The following SPIDR variants were observed in gnomAD, a reference collection of about 807,000 sequenced individuals.
SPIDR encodes DNA repair-scaffolding protein.
In SPIDR, 93 loss-of-function variants were observed where a neutral mutation model predicts 104.6. The observed-to-expected ratio is 0.89, with a 90% CI of 0.75 to 1.06. The LOEUF is 1.06. SPIDR is among the 50% of genes least tolerant of loss of function. The probability of loss-of-function intolerance (pLI) is 0.00; values close to 1 mark genes in which losing one functional copy is unlikely to be tolerated. For synonymous variants in SPIDR, 431 were observed against 416.9 expected (o/e 1.03, Z -0.41); for missense variants, 1,154 against 1,111.2 (o/e 1.04, Z -0.55).
chr8:47,670,140 ACTC>A (rs2075601697), intron 10 of SPIDR, among the ~76,000 whole-genome samples: 1 of 151,914 alleles, frequency 6.6e-6, no homozygotes, highest in South Asian at 2.1e-4. Context: ...GAGCCTGGAG[ACTC>A]CTCCTAGGAA....
chr8:47,388,645 A>G (rs977957314), intron 5 of SPIDR, among the ~76,000 whole-genome samples: 1 of 152,168 alleles, frequency 6.6e-6, no homozygotes, highest in African/African-American at 2.4e-5. Context: ...CCTGAGGCCA[A>G]TCAGCTCTGA....
At chr8:47,264,399 G>A in intron 1 of SPIDR, among the ~76,000 whole-genome samples, 1 of 152,070 alleles carries the variant, frequency 6.6e-6, no homozygotes. Context: ...ATATAGATAT[G>A]TGGTATTTAA....
chr8:47,592,390 A>G, intron 8 of SPIDR: 2 of 1,385,052 alleles, frequency 1.4e-6, no homozygotes, highest in Non-Finnish European at 2.1e-6. Flanking sequence ...AATTTTGGTC[A>G]TGAAACATAC....
intron 5 of SPIDR, among the ~76,000 whole-genome samples, chr8:47,343,542 TG>T (rs1191520359): frequency 3.3e-5 from 5 of 152,180 alleles, no homozygotes; most frequent in Non-Finnish European, 7.3e-5. Context: ...GAGGATTTCT[TG>T]TGCGCCAGTC....
intron 1 of SPIDR, among the ~76,000 whole-genome samples, chr8:47,261,364 C>G (rs143096364): frequency 2.0e-5 from 3 of 152,164 alleles, no homozygotes; most frequent in Non-Finnish European, 4.4e-5. Context: ...GTGGTTTTAC[C>G]CGTCTCCGCG....
intron 17 of SPIDR, 135 bp from the exon 18 acceptor site, chr8:47,728,798 A>G (rs2084727917): frequency 9.6e-7 from 1 of 1,040,550 alleles, no homozygotes; most frequent in African/African-American, 1.6e-5. Flanking sequence ...GGCCTCTCTC[A>G]GAAACTTGAT....
chr8:47,293,095 G>A (rs1289033223), intron 4 of SPIDR, among the ~76,000 whole-genome samples: 1 of 152,088 alleles, frequency 6.6e-6, no homozygotes, highest in African/African-American at 2.4e-5. Flanking sequence ...GCTTCTCTCA[G>A]TGGTGGTCTG....
chr8:47,735,132 G>GTA (rs1416132701), intron 19 of SPIDR, among the ~76,000 whole-genome samples, 175 bp from the exon 20 acceptor site: 26 of 151,318 alleles, frequency 1.7e-4, no homozygotes, highest in Admixed American at 1.4e-3. Context: ...GTGTGTGTGT[G>GTA]TGTAGTGGCT....
chr8:47,713,037 C>T, intron 15 of SPIDR, 165 bp downstream of exon 15: 1 of 1,390,094 alleles, frequency 7.2e-7, no homozygotes, highest in Non-Finnish European at 9.3e-7. Context: ...TTCACTGACC[C>T]TGTAGCAGCC....
chr8:47,421,109 A>G (rs2065370787), intron 7 of SPIDR, among the ~76,000 whole-genome samples: 1 of 152,154 alleles, frequency 6.6e-6, no homozygotes, highest in Admixed American at 6.5e-5. Context: ...CTTCTTGAAC[A>G]GTATCTTTGT....
chr8:47,664,841 A>G (rs1199656215), intron 10 of SPIDR, among the ~76,000 whole-genome samples: 2 of 151,198 alleles, frequency 1.3e-5, no homozygotes, highest in African/African-American at 2.4e-5. Flanking sequence ...GGCTGCAGTG[A>G]GCCAAGATTG....
At chr8:47,706,489 G>A (rs2081105941) in intron 14 of SPIDR, among the ~76,000 whole-genome samples, 1 of 152,192 alleles carries the variant, frequency 6.6e-6, no homozygotes, top group Non-Finnish European at 1.5e-5. Flanking sequence ...GTGTGTTTGT[G>A]TGTGTATGTG....
chr8:47,689,398 C>T (rs1455135854), intron 11 of SPIDR, among the ~76,000 whole-genome samples: 1 of 152,200 alleles, frequency 6.6e-6, no homozygotes, highest in Admixed American at 6.5e-5. Context: ...AAGTCAAGAG[C>T]TACCGTTTAT....
chr8:47,538,200 A>G (rs2087307519), intron 8 of SPIDR, among the ~76,000 whole-genome samples: 1 of 152,078 alleles, frequency 6.6e-6, no homozygotes, highest in Admixed American at 6.6e-5. Context: ...AAAAAATAGG[A>G]GTTCCCAGAG....
At chr8:47,385,764 A>G (rs2059827471) in intron 5 of SPIDR, among the ~76,000 whole-genome samples, 1 of 152,188 alleles carries the variant, frequency 6.6e-6, no homozygotes, top group African/African-American at 2.4e-5. Context: ...ATCAAAGAAA[A>G]CAAACTGCTT....
chr8:47,693,105 G>C (rs146025598), intron 11 of SPIDR, among the ~76,000 whole-genome samples: 10 of 152,262 alleles, frequency 6.6e-5, no homozygotes, highest in Non-Finnish European at 1.2e-4. Context: ...TGGGCTATTT[G>C]TTGCTGTCTG....
At chr8:47,327,214 T>G (rs1350475993) in intron 5 of SPIDR, among the ~76,000 whole-genome samples, 3 of 152,152 alleles carry the variant, frequency 2.0e-5, no homozygotes, top group Admixed American at 6.5e-5. Context: ...TGAGCACTGT[T>G]TCATGTGGTG....
intron 5 of SPIDR, among the ~76,000 whole-genome samples, chr8:47,352,049 C>A (rs548956718): frequency 6.6e-6 from 1 of 152,200 alleles, no homozygotes; most frequent in South Asian, 2.1e-4. Flanking sequence ...GAGGCCGAGA[C>A]AGGTGGATCA....
At position 47,412,431 on chromosome 8, in the gene SPIDR, C is replaced by T. The variant is rs189584116; in HGVS notation, c.877+4470C>T. ...CAGGCATATTGGTTGGAAAGGCTGG[C>T]GGTCATTCTCTGTGTGGTAACTCTC... On this transcript the variant is annotated intron_variant, in intron 7 of 19. Coordinates refer to ENST00000297423, the MANE Select transcript of SPIDR (RefSeq NM_001080394.4). Among the ~76,000 whole-genome samples, 684 of 152,244 alleles carry T rather than the reference C, an allele frequency of 4.5e-3. 4 individuals carry two copies. Among genetic ancestry groups the T allele is most frequent in the Non-Finnish European group, 6.0e-3 (405 of 68,020 alleles).
Sources: gnomAD v4.1 joint callset for allele counts (sites outside exome capture counted in the v4.1 genomes callset) on GRCh38, gnomAD v4.1.1 for gene constraint, MANE v1.5 for transcripts, NCBI Gene and HGNC (gene_info 2026-07-23, HGNC 2026-07-21) for gene names.